The following MMP10 variants were observed in gnomAD, a reference collection of about 807,000 sequenced individuals.
The protein encoded by MMP10 is matrix metallopeptidase 10, also known as stromelysin-2.
Under a neutral mutation model 49.1 loss-of-function variants are expected in MMP10, and 50 were observed. The observed-to-expected ratio is 1.02, with a 90% CI of 0.81 to 1.29. MMP10 has a LOEUF of 1.29. Ranked by LOEUF, MMP10 falls within the 50% of genes most tolerant of loss-of-function variation. The pLI is 0.00. For missense variants in MMP10, 613 were observed against 563.8 expected, an observed-to-expected ratio of 1.09 and a Z score of -0.88; for synonymous variants, 229 against 201.6, an observed-to-expected ratio of 1.14 and a Z score of -1.15.
rs1385312346 is a variant in MMP10, at chr11:102,770,513, C to G, written c.*280G>C. The G allele has an allele frequency of 3.3e-6, 1 of 301,476 alleles. No individual in the cohort carries two copies. Among genetic ancestry groups the G allele is most frequent in the African/African-American group, 2.2e-5 (1 of 45,916 alleles). 18.7% of individuals were successfully genotyped at this position (301,476 alleles called of 1,614,324 possible). A position where few individuals can be genotyped will look rare whatever the true frequency, so the allele number is the denominator to read the frequency against. ...ATTGTTCTAGAAAGTAAGGAACAGG[C>G]CCAAAATAAAACTTTTTATTGAGGA... On this transcript the variant is annotated 3_prime_UTR_variant, in exon 10 of 10. Coordinates refer to ENST00000279441, the MANE Select transcript of MMP10 (RefSeq NM_002425.3).
Position 102,780,478 on chromosome 11 carries a change from G to T in MMP10, c.105+9C>A. On this transcript the variant is annotated intron_variant, in intron 1 of 9. Coordinates refer to ENST00000279441, the MANE Select transcript of MMP10 (RefSeq NM_002425.3). The stretch of plus-strand genomic sequence containing the variant: ...GCCAGTAGCTGCAATAGATGCCACC[G>T]TTAATTACCTGGGCAAGATCCTTGT... 6.2e-7 allele frequency: 1 copy of T among 1,612,882 alleles called. No homozygotes were observed. Among genetic ancestry groups the T allele is most frequent in the Non-Finnish European group, 8.5e-7 (1 of 1,179,132 alleles).
Position 102,770,727 on chromosome 11 carries a change from A to G in MMP10, c.*66T>C. The G allele has an allele frequency of 9.1e-7, 1 of 1,097,576 alleles. No homozygotes were observed. Among genetic ancestry groups the G allele is most frequent in the South Asian group, 1.5e-5 (1 of 65,918 alleles). The allele number at this position is 1,097,576 out of a possible 1,614,324, so 68.0% of individuals were successfully genotyped here. ...GGAAAAATTAACCATTTTGGCTCAT[A>G]ATACATTAGATGAATAATTATTAGA... On this transcript the variant is annotated 3_prime_UTR_variant, in exon 10 of 10. Transcript: ENST00000279441.
chr11:102,775,331 A>C lies in MMP10; in HGVS notation c.933-10T>G. On this transcript the variant is annotated splice_polypyrimidine_tract_variant and intron_variant, in intron 6 of 9. Transcript: ENST00000279441. ...TCTTCGCCAAAAATATCTGTAATAC[A>C]TAAAATTACTTGCAATTGTCTTTCT... 6.3e-7 allele frequency: 1 copy of C among 1,577,038 alleles called. No individual in the cohort carries two copies. Among genetic ancestry groups the C allele is most frequent in the Admixed American group, 1.9e-5 (1 of 53,854 alleles).
At chr11:102,778,535 C>T (rs552509246) in intron 4 of MMP10, 89 bp downstream of exon 4, 8 of 1,517,354 alleles carry the variant, frequency 5.3e-6, no homozygotes, top group East Asian at 4.6e-5. Context: ...CTAGTATATT[C>T]GATTTATTGC....
In MMP10 at chr11:102,776,303, TC is replaced by T. The variant is rs769170600; in HGVS notation, c.908del (p.Gly303GlufsTer25). The stretch of plus-strand genomic sequence containing the variant: ...ACCTGTCTTTAAAGAACAGATATTC[TC>T]CCCTCAGAGTGCTGATGGCATCGAA... Reference protein sequence around the residue: ...LSFDAISTLRGEYLFFKDRYF... With the variant: ...LSFDAISTLRXEYLFFKDRYF... On this transcript the variant is annotated frameshift_variant, in exon 6 of 10. Coordinates refer to ENST00000279441, the MANE Select transcript of MMP10 (RefSeq NM_002425.3). LOFTEE classifies it high-confidence loss of function. 6.2e-7 allele frequency: 1 copy of T among 1,613,756 alleles called. No individual in the cohort carries two copies.
At chr11:102,775,365 T>A in intron 6 of MMP10, 44 bp from the exon 7 acceptor site, 2 of 1,512,074 alleles carry the variant, frequency 1.3e-6, no homozygotes, top group Non-Finnish European at 1.8e-6. Context: ...CTCTTTTAGA[T>A]ATGTGAAAAA....
intron 7 of MMP10, 34 bp downstream of exon 7, chr11:102,775,154 T>C: frequency 6.9e-7 from 1 of 1,456,398 alleles, no homozygotes; most frequent in Middle Eastern, 1.9e-4. Context: ...ATAGGATTTA[T>C]TCCAGCAAGT....
intron 7 of MMP10, among the ~76,000 whole-genome samples, chr11:102,774,577 A>T (rs1023698186): frequency 2.0e-5 from 3 of 152,186 alleles, no homozygotes; most frequent in African/African-American, 7.2e-5. Context: ...ACTTTTTCTG[A>T]TGGATTTGAA....
chr11:102,776,190 T>TAAAA (rs920811050), intron 6 of MMP10, 90 bp downstream of exon 6: 1 of 1,212,706 alleles, frequency 8.2e-7, no homozygotes, highest in Non-Finnish European at 1.1e-6. Flanking sequence ...AACCTAAAAT[T>TAAAA]AAAAAAAAAG....
At chr11:102,779,798 C>T (rs1013780585) in intron 1 of MMP10, 53 bp from the exon 2 acceptor site, 12 of 1,563,560 alleles carry the variant, frequency 7.7e-6, no homozygotes, top group East Asian at 2.3e-5. Flanking sequence ...ATCATTTATC[C>T]AACTTTTATA....
chr11:102,779,211 A>C lies in MMP10; in HGVS notation c.496+2T>G, dbSNP rs750012461. On this transcript the variant is annotated splice_donor_variant, in intron 3 of 9. Coordinates refer to ENST00000279441, the MANE Select transcript of MMP10 (RefSeq NM_002425.3). LOFTEE classifies it high-confidence loss of function. ...AGATAAATGGATGCTTTATTTGATT[A>C]CCTTTAACTGCAAAAGAGATCATTA... 8.1e-6 allele frequency: 13 copies of C among 1,612,344 alleles called. No individual in the cohort carries two copies. The highest frequency in any genetic ancestry group is 1.0e-5 in the Non-Finnish European group (12 of 1,179,920).
At chr11:102,771,237 A>G (rs976486607) in intron 9 of MMP10, among the ~76,000 whole-genome samples, 1 of 152,200 alleles carries the variant, frequency 6.6e-6, no homozygotes, top group Non-Finnish European at 1.5e-5. Flanking sequence ...AAATTCTATA[A>G]TATTTTAAAA....
chr11:102,771,002 A>G, intron 9 of MMP10, 109 bp from the exon 10 acceptor site: 1 of 713,284 alleles, frequency 1.4e-6, no homozygotes, highest in Admixed American at 2.5e-5. Flanking sequence ...TTATTAAGTG[A>G]TTACTCTATG....
chr11:102,775,558 A>G (rs181634625), intron 6 of MMP10, among the ~76,000 whole-genome samples: 1 of 152,234 alleles, frequency 6.6e-6, no homozygotes, highest in African/African-American at 2.4e-5. Flanking sequence ...TTATGTCCTA[A>G]TATTTTAAAA....
intron 7 of MMP10, among the ~76,000 whole-genome samples, chr11:102,774,162 A>G (rs923024490): frequency 1.5e-4 from 23 of 152,214 alleles, no homozygotes; most frequent in Admixed American, 1.3e-3. Context: ...AAGAATTAAA[A>G]TTGAACAAAA....
At chr11:102,771,812 A>AACACAC (rs61090976) in intron 9 of MMP10, among the ~76,000 whole-genome samples, 200 bp downstream of exon 9, 2,436 of 150,174 alleles carry the variant, frequency 0.016, 34 homozygotes, top group South Asian at 0.052. Context: ...TATTCAGGAA[A>AACACAC]ACACACACAC....
intron 6 of MMP10, 47 bp from the exon 7 acceptor site, chr11:102,775,368 G>T: frequency 1.3e-6 from 2 of 1,486,758 alleles, no homozygotes; most frequent in African/African-American, 2.9e-5. Flanking sequence ...TTTTAGATAT[G>T]TGAAAAAAAA....
intron 3 of MMP10, 49 bp downstream of exon 3, chr11:102,779,164 A>G: frequency 6.2e-7 from 1 of 1,604,684 alleles, no homozygotes; most frequent in Non-Finnish European, 8.5e-7. Flanking sequence ...TTGCTATAGC[A>G]GTCTGAACAG....
chr11:102,779,456 T>C (rs1857793312), intron 2 of MMP10, 48 bp downstream of exon 2: 2 of 1,609,250 alleles, frequency 1.2e-6, no homozygotes, highest in South Asian at 1.1e-5. Context: ...ATATGACGAG[T>C]AACTTATAAG....
Sources: allele counts gnomAD v4.1 joint callset (sites outside exome capture counted in the v4.1 genomes callset), GRCh38; gene constraint gnomAD v4.1.1; transcripts MANE v1.5; gene names NCBI Gene and HGNC (gene_info 2026-07-23, HGNC 2026-07-21).